Variants in INKA2 observed in about 807,000 individuals in gnomAD.
INKA2 encodes inka box actin regulator 2.
Under a neutral mutation model 9.8 loss-of-function variants are expected in INKA2, and 3 were observed. The ratio of observed to expected loss-of-function variants is 0.31; its 90% CI spans 0.14 to 0.79. The LOEUF (loss-of-function observed/expected upper bound fraction) is 0.79. Ranked by LOEUF, INKA2 falls within the 30% of genes least tolerant of loss-of-function variation. INKA2 has a pLI of 0.62. For synonymous variants in INKA2, 147 were observed against 143.3 expected, an observed-to-expected ratio of 1.03 and a Z score of -0.18; for missense variants, 392 against 384.4, an observed-to-expected ratio of 1.02 and a Z score of -0.17.
rs991092907 is a variant in INKA2 at position 111,726,060 on chromosome 1, G to A, written c.*908C>T. The stretch of plus-strand genomic sequence containing the variant: ...CCTGCGGGGTGCTAAGAACTGTTGG[G>A]GAGGAGTGTTGGTAACTCCAGGGTC... On this transcript the variant is annotated 3_prime_UTR_variant, in exon 2 of 2. Coordinates refer to ENST00000357260, the MANE Select transcript of INKA2 (RefSeq NM_019099.5). The A allele has an allele frequency of 2.5e-5, 10 of 398,686 alleles. No homozygotes were observed. The highest frequency in any genetic ancestry group is 2.1e-4 in the African/African-American group (10 of 48,736). The allele number at this position is 398,686 out of a possible 1,614,324, so 24.7% of individuals were successfully genotyped here.
intron 1 of INKA2, among the ~76,000 whole-genome samples, chr1:111,748,070 G>A (rs922633855): frequency 3.3e-5 from 5 of 152,222 alleles, no homozygotes; most frequent in African/African-American, 1.2e-4. Flanking sequence ...GGGCACGTGG[G>A]AGAGTAATAT....
intron 1 of INKA2, among the ~76,000 whole-genome samples, chr1:111,753,442 G>A (rs1173421386): frequency 6.6e-6 from 1 of 152,072 alleles, no homozygotes; most frequent in Non-Finnish European, 1.5e-5. Context: ...TATAACTTTT[G>A]ACTAGTGAGA....
chr1:111,734,284 G>A (rs185686400), intron 1 of INKA2, among the ~76,000 whole-genome samples: 27 of 152,294 alleles, frequency 1.8e-4, no homozygotes, highest in Admixed American at 1.3e-3. Context: ...GCCTCTTCCC[G>A]GAGATTGCCT....
intron 1 of INKA2, chr1:111,745,293 A>ATATATATATT (rs1358304932): frequency 2.6e-4 from 13 of 49,266 alleles, no homozygotes; most frequent in African/African-American, 9.3e-4. Context: ...ATATATATAT[A>ATATATATATT]TTTTTTTTTT....
In INKA2 at chr1:111,727,666, T is replaced by G. The variant is rs775954366; in HGVS notation, c.196A>C (p.Ser66Arg). The G allele has an allele frequency of 6.2e-7, 1 of 1,611,238 alleles. No homozygotes were observed. Among genetic ancestry groups the G allele is most frequent in the South Asian group, 1.1e-5 (1 of 90,714 alleles). ...CACTGGGTCCTGGGACCTTCAGGGC[T>G]GCCTGGCACAGGACCCCCTCCAGAG... is the stretch of plus-strand genomic sequence containing the variant. The part of the protein sequence containing the change: ...EISGGGPVPG[S>R]PEGPRTQCEH... Residue 66 changes from serine to arginine, a missense_variant, in exon 2 of 2, where the codon AGC (serine) becomes CGC (arginine). Coordinates refer to ENST00000357260, the MANE Select transcript of INKA2 (RefSeq NM_019099.5).
At chr1:111,729,639 C>A (rs1662861750) in intron 1 of INKA2, among the ~76,000 whole-genome samples, 1 of 152,260 alleles carries the variant, frequency 6.6e-6, no homozygotes. Flanking sequence ...ACCTCATATG[C>A]AGGGACCATG....
intron 1 of INKA2, chr1:111,745,991 C>T (rs768452721): frequency 4.6e-5 from 7 of 152,250 alleles, no homozygotes; most frequent in Non-Finnish European, 8.8e-5. Flanking sequence ...GAGGTCACAT[C>T]TCAGGTTTGG....
chr1:111,739,613 G>C (rs542973245), upstream of INKA2, among the ~76,000 whole-genome samples: 1 of 152,200 alleles, frequency 6.6e-6, no homozygotes, highest in African/African-American at 2.4e-5. Flanking sequence ...CAGCGCGGCG[G>C]AGGGCATCGT....
At chr1:111,743,798 C>G (rs903055961), upstream of INKA2, among the ~76,000 whole-genome samples, 8 of 152,256 alleles carry the variant, frequency 5.3e-5, no homozygotes, top group African/African-American at 1.9e-4. Context: ...AGGGCAGGGG[C>G]CCTATCCCCA....
intron 1 of INKA2, among the ~76,000 whole-genome samples, chr1:111,729,519 G>A (rs986867701): frequency 6.6e-5 from 10 of 152,224 alleles, no homozygotes; most frequent in Admixed American, 1.3e-4. Flanking sequence ...GCAGCGGGGC[G>A]GGGTGGGGGC....
intron 1 of INKA2, among the ~76,000 whole-genome samples, chr1:111,735,057 G>A (rs1662983812): frequency 6.6e-6 from 1 of 152,178 alleles, no homozygotes; most frequent in Admixed American, 6.5e-5. Context: ...CATAAAATGA[G>A]AATAATGAAA....
chr1:111,742,589 A>G (rs1663173315), upstream of INKA2, among the ~76,000 whole-genome samples: 1 of 152,252 alleles, frequency 6.6e-6, no homozygotes, highest in African/African-American at 2.4e-5. Context: ...GTCTCAAAAA[A>G]ATAACTCTCT....
intron 1 of INKA2, among the ~76,000 whole-genome samples, chr1:111,750,045 G>A (rs1245206859): frequency 6.6e-6 from 1 of 152,244 alleles, no homozygotes; most frequent in Non-Finnish European, 1.5e-5. Context: ...TATGCTGCCT[G>A]GACAAGAATA....
Position 111,722,704 on chromosome 1 carries a change from G to A in INKA2, c.*4264C>T, listed in dbSNP as rs1257341368. 1 of 200,032 alleles carries A rather than the reference G, an allele frequency of 5.0e-6. No individual in the cohort carries two copies. The highest frequency in any genetic ancestry group is 2.4e-5 in the African/African-American group (1 of 42,278). The allele number at this position is 200,032 out of a possible 1,614,324, so 12.4% of individuals were successfully genotyped here. On this transcript the variant is annotated 3_prime_UTR_variant, in exon 2 of 2. Coordinates refer to ENST00000357260, the MANE Select transcript of INKA2 (RefSeq NM_019099.5). ...CCCATCTGGGTGGCTAGTATACAGT[G>A]TACAAAAACATGTCACCTATTGTCT...
At position 111,723,036 on chromosome 1, in the gene INKA2, A is replaced by G. The variant is rs1451116682; in HGVS notation, c.*3932T>C. 1.7e-5 allele frequency: 12 copies of G among 701,696 alleles called. No homozygotes were observed. Among genetic ancestry groups the G allele is most frequent in the Non-Finnish European group, 3.1e-5 (12 of 384,534 alleles). 43.5% of individuals were successfully genotyped at this position (701,696 alleles called of 1,614,324 possible). On this transcript the variant is annotated 3_prime_UTR_variant, in exon 2 of 2. Coordinates refer to ENST00000357260, the MANE Select transcript of INKA2 (RefSeq NM_019099.5). ...GCAACATGCTCAAGCTTCCACAGTGACAGAGGGGGCTCTCAAATCTTAACT... is the reference window on the plus strand; with the variant it reads ...GCAACATGCTCAAGCTTCCACAGTGGCAGAGGGGGCTCTCAAATCTTAACT...
chr1:111,752,305 T>C (rs1663428413), intron 1 of INKA2, among the ~76,000 whole-genome samples: 1 of 152,214 alleles, frequency 6.6e-6, no homozygotes, highest in South Asian at 2.1e-4. Flanking sequence ...CTAATCTTGA[T>C]GGCTAAGTCT....
intron 1 of INKA2, among the ~76,000 whole-genome samples, chr1:111,752,910 G>A (rs907192225): frequency 2.0e-5 from 3 of 152,114 alleles, no homozygotes; most frequent in African/African-American, 7.2e-5. Context: ...ATGTTAGCCA[G>A]GATGGTCTTG....
intron 1 of INKA2, among the ~76,000 whole-genome samples, chr1:111,737,788 G>C (rs1663037955): frequency 6.6e-6 from 1 of 152,204 alleles, no homozygotes; most frequent in African/African-American, 2.4e-5. Flanking sequence ...GCTCCAGGAG[G>C]GAGGACTAGA....
chr1:111,755,587 C>T (rs978255293), intron 1 of INKA2: 15 of 1,221,908 alleles, frequency 1.2e-5, no homozygotes, highest in African/African-American at 1.6e-5. Context: ...GGCGAGAGGG[C>T]GGTGGCGCCG....
Sources: allele counts gnomAD v4.1 joint callset (sites outside exome capture counted in the v4.1 genomes callset), GRCh38; gene constraint gnomAD v4.1.1; transcripts MANE v1.5; gene names NCBI Gene and HGNC (gene_info 2026-07-23, HGNC 2026-07-21).